MYH15: variants seen among roughly 807,000 people sequenced by gnomAD.
The protein encoded by MYH15 is myosin-15.
A neutral mutation model predicts 240.5 loss-of-function variants in MYH15; 227 were observed. That is an observed-to-expected ratio of 0.94 (90% CI 0.85 to 1.05). The LOEUF (loss-of-function observed/expected upper bound fraction) is 1.05. MYH15 is among the 50% of genes least tolerant of loss of function. The pLI, the probability that MYH15 is intolerant of heterozygous loss-of-function variation, is 0.00. For missense variants in MYH15, 2,217 were observed against 2,247.5 expected (o/e 0.99, Z 0.27); for synonymous variants, 785 against 796.7 (o/e 0.99, Z 0.25).
chr3:108,520,195 T>A (rs1214208598), intron 1 of MYH15, among the ~76,000 whole-genome samples: 1 of 152,152 alleles, frequency 6.6e-6, no homozygotes, highest in Non-Finnish European at 1.5e-5. Context: ...CTCCAAAAGA[T>A]TATACCGAAA....
At chr3:108,442,768 A>G (rs1393912152) in intron 22 of MYH15, among the ~76,000 whole-genome samples, 1 of 52,940 alleles carries the variant, frequency 1.9e-5, no homozygotes, top group Admixed American at 2.7e-4. Flanking sequence ...ATTTCAAAAT[A>G]TTTCTTTTTT....
At chr3:108,481,567 G>A (rs1169642637) in intron 11 of MYH15, among the ~76,000 whole-genome samples, 1 of 152,196 alleles carries the variant, frequency 6.6e-6, no homozygotes, top group Non-Finnish European at 1.5e-5. Flanking sequence ...TTTAATAAGT[G>A]AGGGAGTAAG....
intron 28 of MYH15, among the ~76,000 whole-genome samples, chr3:108,417,875 A>G (rs1040261005): frequency 6.6e-6 from 1 of 152,108 alleles, no homozygotes; most frequent in Non-Finnish European, 1.5e-5. Context: ...ATGTACATGC[A>G]TATATCTTTT....
chr3:108,393,564 A>G (rs999162722), intron 36 of MYH15, among the ~76,000 whole-genome samples: 5 of 152,212 alleles, frequency 3.3e-5, no homozygotes, highest in African/African-American at 7.2e-5. Context: ...CAGCCCTGAA[A>G]CCCTTTTTTA....
At chr3:108,396,088 T>C (rs572059790) in intron 35 of MYH15, among the ~76,000 whole-genome samples, 5 of 152,318 alleles carry the variant, frequency 3.3e-5, no homozygotes, top group Admixed American at 6.5e-5. Context: ...AACTCTGCCC[T>C]AGAGACCAGG....
rs770120023 is a variant in MYH15, at chr3:108,470,849, T to C, written c.1234-2A>G. 132 of 1,612,966 alleles carry C rather than the reference T, an allele frequency of 8.2e-5. No homozygotes were observed. Among genetic ancestry groups the C allele is most frequent in the Non-Finnish European group, 9.8e-5 (116 of 1,179,354 alleles). On this transcript the variant is annotated splice_acceptor_variant, in intron 12 of 40. Coordinates refer to ENST00000693548, the MANE Select transcript of MYH15 (RefSeq NM_014981.3). LOFTEE classifies it high-confidence loss of function. The stretch of plus-strand genomic sequence containing the variant: ...CAGGGCACCGACAGCACAGGTTACC[T>C]AGAAATCACATTGAAAACACTCCTT...
intron 27 of MYH15, among the ~76,000 whole-genome samples, chr3:108,427,606 CACACACACACAACACACA>C (rs2082734931): frequency 2.0e-5 from 2 of 99,790 alleles, no homozygotes; most frequent in African/African-American, 7.8e-5. Context: ...AAGACACACA[CACACACACACAACACACA>C]CACACACACA....
At chr3:108,523,103 A>G (rs1467841748) in intron 1 of MYH15, among the ~76,000 whole-genome samples, 2 of 152,110 alleles carry the variant, frequency 1.3e-5, no homozygotes, top group Non-Finnish European at 2.9e-5. Context: ...GAGAAGGAGA[A>G]TTCATTATTA....
At chr3:108,473,201 G>T (rs1340782948) in intron 12 of MYH15, among the ~76,000 whole-genome samples, 2 of 152,110 alleles carry the variant, frequency 1.3e-5, no homozygotes, top group East Asian at 1.9e-4. Context: ...TAGAGACAAG[G>T]TTTCACCATG....
At chr3:108,438,565 C>A (rs551286201) in intron 24 of MYH15, among the ~76,000 whole-genome samples, 2 of 151,950 alleles carry the variant, frequency 1.3e-5, no homozygotes, top group African/African-American at 4.8e-5. Flanking sequence ...GGGAGGTGGG[C>A]CCTTTAGGAA....
chr3:108,452,020 T>C (rs1341229092), intron 21 of MYH15, among the ~76,000 whole-genome samples: 2 of 150,164 alleles, frequency 1.3e-5, no homozygotes, highest in Non-Finnish European at 3.0e-5. Context: ...GAAAACATCA[T>C]TTGTTAAAGG....
intron 27 of MYH15, among the ~76,000 whole-genome samples, chr3:108,423,138 A>G (rs944606642): frequency 2.6e-5 from 4 of 152,158 alleles, no homozygotes; most frequent in Non-Finnish European, 4.4e-5. Context: ...TGCCGCCCGC[A>G]GCTTGAATCC....
the MYH15 span, among the ~76,000 whole-genome samples, chr3:108,537,935 T>C: frequency 6.6e-6 from 1 of 152,214 alleles, no homozygotes; most frequent in Admixed American, 6.5e-5. Context: ...CTGATATTTC[T>C]GTCTCCTTGC....
rs560839168 is a variant in MYH15 at position 108,439,679 on chromosome 3, C to T, written c.3075+58G>A. The T allele has an allele frequency of 3.3e-5, 44 of 1,318,642 alleles. 1 individual carries two copies. The South Asian group carries it at 8.6e-4, about 26-fold the overall frequency. The allele number at this position is 1,318,642 out of a possible 1,614,324, so 81.7% of individuals were successfully genotyped here. A position where few individuals can be genotyped will look rare whatever the true frequency, so the allele number is the denominator to read the frequency against. ...TCAAGATAAATTAATGAAGTAAAAACTGGAGTTATGTGTATATGTAGACAG... is the reference window on the plus strand; with the variant it reads ...TCAAGATAAATTAATGAAGTAAAAATTGGAGTTATGTGTATATGTAGACAG... On this transcript the variant is annotated intron_variant, in intron 24 of 40. Coordinates refer to ENST00000693548, the MANE Select transcript of MYH15 (RefSeq NM_014981.3).
At position 108,456,704 on chromosome 3, in the gene MYH15, G is replaced by A. The variant is rs566359226; in HGVS notation, c.2138+62C>T. ...ACAAACAATGCATGCCTAAACACTC[G>A]GAAAGGGAGGAAAACAGAATGAACT... On this transcript the variant is annotated intron_variant, in intron 19 of 40. Coordinates refer to ENST00000693548, the MANE Select transcript of MYH15 (RefSeq NM_014981.3). 112 of 1,230,406 alleles carry A rather than the reference G, an allele frequency of 9.1e-5. 1 individual carries two copies. The highest frequency in any genetic ancestry group is 8.6e-4 in the South Asian group (70 of 81,572). The allele number at this position is 1,230,406 out of a possible 1,614,324, so 76.2% of individuals were successfully genotyped here.
Position 108,391,765 on chromosome 3 carries a change from A to G in MYH15, c.5425T>C (p.Ser1809Pro). The change falls in exon 37 of 41, where the codon TCC becomes CCC. Residue 1809 changes from serine (S) to proline (P), a missense_variant. Ser to Pro is a moderately conservative substitution (Grantham distance 74). Transcript: ENST00000693548. ...ATGATTACCCAGACTCCTACCCTGG[A>G]TTCTAGTTTCTGGATTTGCTTTCTA... ...GSRKQIQKLESRVRELEGELE... is the reference protein window; with the variant it reads ...GSRKQIQKLEPRVRELEGELE... 6.2e-7 allele frequency: 1 copy of G among 1,613,440 alleles called. No individual in the cohort carries two copies. The highest frequency in any genetic ancestry group is 8.5e-7 in the Non-Finnish European group (1 of 1,179,770).
intron 1 of MYH15, among the ~76,000 whole-genome samples, chr3:108,525,161 T>C (rs2083656695): frequency 6.6e-6 from 1 of 152,068 alleles, no homozygotes; most frequent in Non-Finnish European, 1.5e-5. Context: ...AAAATGGATA[T>C]TGGTCACTGC....
intron 1 of MYH15, among the ~76,000 whole-genome samples, chr3:108,522,411 G>C (rs1369935305): frequency 6.6e-6 from 1 of 152,056 alleles, no homozygotes; most frequent in African/African-American, 2.4e-5. Flanking sequence ...GGGTTGAACA[G>C]AGAATAAGGA....
chr3:108,416,721 CA>C, intron 29 of MYH15, 90 bp downstream of exon 29: 3 of 1,107,060 alleles, frequency 2.7e-6, no homozygotes, highest in Non-Finnish European at 2.6e-6. Context: ...TCTTCTTTTA[CA>C]AAACATCTTC....
Sources: allele counts gnomAD v4.1 joint callset (sites outside exome capture counted in the v4.1 genomes callset), GRCh38; gene constraint gnomAD v4.1.1; transcripts MANE v1.5; gene names NCBI Gene and HGNC (gene_info 2026-07-23, HGNC 2026-07-21).